TNS1: variants seen among roughly 807,000 people sequenced by gnomAD.
The protein encoded by TNS1 is tensin 1.
TNS1 carries 62 observed loss-of-function variants against 168.6 expected under a neutral mutation model. The observed-to-expected ratio is 0.37, with a 90% confidence interval of 0.30 to 0.45. The LOEUF (loss-of-function observed/expected upper bound fraction) is 0.45. Ranked by LOEUF, TNS1 falls within the 20% of genes least tolerant of loss-of-function variation. TNS1 has a pLI of 1.00. For synonymous variants in TNS1, 934 were observed against 933.2 expected (o/e 1.00, Z -0.02); for missense variants, 2,240 against 2,339.4 (o/e 0.96, Z 0.88).
At chr2:217,906,185 G>C in intron 6 of TNS1, 150 bp downstream of exon 6, 1 of 601,762 alleles carries the variant, frequency 1.7e-6, no homozygotes. Flanking sequence ...CAGCCTGTAA[G>C]GAAATGGGCC....
Position 217,813,384 on chromosome 2 carries a change from A to C in TNS1, c.4862-77T>G. Reference sequence around the variant, plus strand: ...CACCACCTCCCAAGACTGCTTCAAAACTTCCGCAGTGTGCGGGGCCAAGAT... The same window carrying C: ...CACCACCTCCCAAGACTGCTTCAAACCTTCCGCAGTGTGCGGGGCCAAGAT... On this transcript the variant is annotated intron_variant, in intron 26 of 32. Transcript: ENST00000682258. The surrounding 1 kb of genome is among the most constrained non-coding windows in gnomAD (Gnocchi z 4.0). The C allele has an allele frequency of 3.2e-6, 4 of 1,257,264 alleles. No individual in the cohort carries two copies. The South Asian group carries it at 5.1e-5, about 16-fold the overall frequency. The allele number at this position is 1,257,264 out of a possible 1,614,324, so 77.9% of individuals were successfully genotyped here. A position where few individuals can be genotyped will look rare whatever the true frequency, so the allele number is the denominator to read the frequency against.
chr2:217,963,227 C>A (rs1449952308), intron 3 of TNS1, among the ~76,000 whole-genome samples: 2 of 152,096 alleles, frequency 1.3e-5, no homozygotes, highest in Non-Finnish European at 2.9e-5. Context: ...ACTAAGAGGG[C>A]AGAGGAGGAA....
intron 18 of TNS1, among the ~76,000 whole-genome samples, chr2:217,855,848 G>A (rs1045979816): frequency 6.6e-6 from 1 of 152,150 alleles, no homozygotes. Flanking sequence ...CAAAGGTGAG[G>A]GAAGAGAGTC....
At chr2:217,809,488 GATGCATGGATGGATGC>G (rs1559141096) in intron 30 of TNS1, among the ~76,000 whole-genome samples, 19 of 20,684 alleles carry the variant, frequency 9.2e-4, no homozygotes, top group Admixed American at 2.3e-3. Flanking sequence ...TGGATGGATG[GATGCATGGATGGATGC>G]ATGGATGGAT....
At chr2:218,010,436 C>T, upstream of TNS1, 1 of 374,204 alleles carries the variant, frequency 2.7e-6, no homozygotes, top group African/African-American at 2.1e-5. Flanking sequence ...TCCGGGGAAC[C>T]CCCACGGGGC....
intron 18 of TNS1, among the ~76,000 whole-genome samples, chr2:217,870,917 C>T (rs567419564): frequency 1.1e-3 from 160 of 152,202 alleles, no homozygotes; most frequent in Non-Finnish European, 1.6e-3. Context: ...TCTTTTTACC[C>T]GCAAGGTCAG....
chr2:217,970,477 A>G lies in TNS1; in HGVS notation c.186+8288T>C, dbSNP rs912033723. On this transcript the variant is annotated intron_variant, in intron 3 of 32. Transcript: ENST00000682258. ...CCTCATGGCAACATTAGTCATAATA[A>G]CCAAAAAGTGAAACAACCCAAATGT... Among the ~76,000 whole-genome samples, 122 of 152,248 alleles carry G rather than the reference A, an allele frequency of 8.0e-4. 1 individual carries two copies. Among genetic ancestry groups the G allele is most frequent in the Non-Finnish European group, 5.9e-5 (4 of 68,046 alleles).
chr2:218,004,043 A>G (rs1958623182), upstream of TNS1, among the ~76,000 whole-genome samples: 1 of 152,118 alleles, frequency 6.6e-6, no homozygotes, highest in Non-Finnish European at 1.5e-5. Context: ...TTCCCCTCCA[A>G]AAAAAACCCT....
chr2:217,900,174 C>T (rs943180576), intron 7 of TNS1, among the ~76,000 whole-genome samples: 2 of 152,218 alleles, frequency 1.3e-5, no homozygotes, highest in African/African-American at 4.8e-5. Flanking sequence ...TGAAATGCTG[C>T]TCTACCAAAG....
chr2:217,976,311 T>A (rs1027272664), intron 3 of TNS1, among the ~76,000 whole-genome samples: 1 of 152,206 alleles, frequency 6.6e-6, no homozygotes, highest in African/African-American at 2.4e-5. Context: ...ATGGACAAGA[T>A]GACCTCAAGG....
At chr2:217,908,555 G>C (rs1047124901) in intron 4 of TNS1, among the ~76,000 whole-genome samples, 1 of 152,190 alleles carries the variant, frequency 6.6e-6, no homozygotes. Context: ...AAAGGCAGGG[G>C]AATGGACAGA....
At chr2:217,849,584 T>C (rs994593194) in intron 18 of TNS1, 51 of 935,858 alleles carry the variant, frequency 5.4e-5, no homozygotes, top group Non-Finnish European at 6.4e-5. Context: ...CTGGGAGCCC[T>C]AACCATCACC....
chr2:217,804,997 C>T (rs1319866658), intron 32 of TNS1, among the ~76,000 whole-genome samples: 1 of 149,510 alleles, frequency 6.7e-6, no homozygotes, highest in Admixed American at 6.6e-5. Context: ...AACACATATG[C>T]CAATCAGGAA....
chr2:218,020,696 G>T (rs1219726723), intron 1 of TNS1, among the ~76,000 whole-genome samples: 1 of 152,178 alleles, frequency 6.6e-6, no homozygotes, highest in Non-Finnish European at 1.5e-5. Context: ...AGGCCTGGGG[G>T]CTAGCAAAAA....
At chr2:218,021,102 G>A (rs887498903) in intron 1 of TNS1, among the ~76,000 whole-genome samples, 5 of 152,224 alleles carry the variant, frequency 3.3e-5, no homozygotes, top group Non-Finnish European at 4.4e-5. Context: ...CCAGGCAGCC[G>A]CTGACCCCAG....
intron 2 of TNS1, among the ~76,000 whole-genome samples, chr2:217,979,648 C>T (rs1272408311): frequency 2.0e-5 from 3 of 152,202 alleles, no homozygotes; most frequent in Non-Finnish European, 2.9e-5. Context: ...GCCCCACCCC[C>T]CAGGGCTCTG....
At chr2:217,968,848 C>T (rs1456306168) in intron 3 of TNS1, among the ~76,000 whole-genome samples, 3 of 152,144 alleles carry the variant, frequency 2.0e-5, no homozygotes, top group African/African-American at 7.2e-5. Flanking sequence ...CTGTGCACCA[C>T]CATGCCTGGC....
chr2:218,031,415 CTG>C (rs1368462164), intron 1 of TNS1, among the ~76,000 whole-genome samples: 1 of 130,298 alleles, frequency 7.7e-6, no homozygotes, highest in Non-Finnish European at 1.6e-5. Flanking sequence ...GTGAGTGCAC[CTG>C]TGTGTATAAG....
chr2:217,833,297 C>A (rs2125303922), intron 21 of TNS1, among the ~76,000 whole-genome samples: 1 of 152,356 alleles, frequency 6.6e-6, no homozygotes, highest in Admixed American at 6.5e-5. Flanking sequence ...CTCGTTCCCC[C>A]AGTTCCTGGG....
Sources: allele counts gnomAD v4.1 joint callset (sites outside exome capture counted in the v4.1 genomes callset), GRCh38; gene constraint gnomAD v4.1.1; non-coding constraint Gnocchi (gnomAD v3.1); transcripts MANE v1.5; gene names NCBI Gene and HGNC (gene_info 2026-07-23, HGNC 2026-07-21).